SS18: variants seen among roughly 807,000 people sequenced by gnomAD.
SS18 encodes SS18 subunit of BAF chromatin remodeling complex.
SS18 carries 28 observed loss-of-function variants against 72.5 expected under a neutral mutation model. That is an observed-to-expected ratio of 0.39 (90% CI 0.29 to 0.53). The LOEUF is 0.53. Ranked by LOEUF, SS18 falls within the 20% of genes least tolerant of loss-of-function variation. The probability of loss-of-function intolerance (pLI) is 0.76; values close to 1 mark genes in which losing one functional copy is unlikely to be tolerated. For synonymous variants in SS18, 172 were observed against 164.2 expected, an observed-to-expected ratio of 1.05 and a Z score of -0.37; for missense variants, 518 against 535.3, an observed-to-expected ratio of 0.97 and a Z score of 0.32.
intron 10 of SS18, 125 bp downstream of exon 10, chr18:26,032,274 G>T: frequency 1.8e-6 from 2 of 1,108,930 alleles, no homozygotes; most frequent in Non-Finnish European, 2.6e-6. Flanking sequence ...GTTAACAAAT[G>T]TACCATAAAC....
At chr18:26,065,819 A>ATATATATATATATATATATG (rs1190189785) in intron 3 of SS18, among the ~76,000 whole-genome samples, 3 of 137,370 alleles carry the variant, frequency 2.2e-5, no homozygotes, top group Admixed American at 7.4e-5. Context: ...ATATATATAT[A>ATATATATATATATATATATG]TATATGATCA....
At chr18:26,083,256 A>T (rs1185928437) in intron 2 of SS18, among the ~76,000 whole-genome samples, 1 of 148,734 alleles carries the variant, frequency 6.7e-6, no homozygotes, top group Non-Finnish European at 1.5e-5. Context: ...GAGGGAAATG[A>T]TCATATATAT....
chr18:26,023,913 GTT>G (rs2053398853), intron 10 of SS18, among the ~76,000 whole-genome samples: 1 of 149,868 alleles, frequency 6.7e-6, no homozygotes, highest in South Asian at 2.1e-4. Flanking sequence ...ACACTGTGGG[GTT>G]TATAACGTAT....
intron 10 of SS18, among the ~76,000 whole-genome samples, chr18:26,022,698 C>T (rs2053373818): frequency 1.3e-5 from 2 of 152,284 alleles, no homozygotes; most frequent in African/African-American, 2.4e-5. Context: ...GGACAGAGTA[C>T]CCTACAAGAA....
intron 3 of SS18, among the ~76,000 whole-genome samples, chr18:26,065,308 T>C (rs2054192894): frequency 6.6e-6 from 1 of 151,852 alleles, no homozygotes; most frequent in African/African-American, 2.4e-5. Flanking sequence ...TACAAAGATT[T>C]ATCACAAGCT....
At chr18:26,074,093 A>AC (rs2144120572) in intron 3 of SS18, among the ~76,000 whole-genome samples, 1 of 152,256 alleles carries the variant, frequency 6.6e-6, no homozygotes, top group Non-Finnish European at 1.5e-5. Flanking sequence ...GGTGATTTTA[A>AC]CCAATGTAGT....
At chr18:26,019,570 G>C (rs2053308202) in intron 10 of SS18, among the ~76,000 whole-genome samples, 1 of 152,032 alleles carries the variant, frequency 6.6e-6, no homozygotes, top group East Asian at 1.9e-4. Flanking sequence ...CAGCACTTTG[G>C]GAGGCCAAGG....
At chr18:26,080,157 G>C (rs555620944) in intron 2 of SS18, 1 of 162,226 alleles carries the variant, frequency 6.2e-6, no homozygotes. Context: ...TTGTGTTGTT[G>C]AAATTCTTCA....
intron 7 of SS18, among the ~76,000 whole-genome samples, chr18:26,036,671 T>C (rs755600039): frequency 3.3e-4 from 50 of 152,276 alleles, no homozygotes; most frequent in Non-Finnish European, 6.3e-4. Context: ...AATAACCTTT[T>C]AGTTACCTAA....
At chr18:26,077,498 A>C (rs921792432) in intron 3 of SS18, among the ~76,000 whole-genome samples, 1 of 152,148 alleles carries the variant, frequency 6.6e-6, no homozygotes, top group African/African-American at 2.4e-5. Flanking sequence ...ATTAAAAGAG[A>C]CTAAGACACA....
At position 26,078,314 on chromosome 18, in the gene SS18, A is replaced by G. The variant is rs937412896; in HGVS notation, c.147-154T>C. On this transcript the variant is annotated intron_variant, in intron 2 of 10. Transcript: ENST00000415083. ...ATTTTTCCTACACTGCAAAAGTTCC[A>G]AATAATAAATATTTAAATATAATGA... 5.8e-6 allele frequency: 3 copies of G among 518,972 alleles called. No homozygotes were observed. In the African/African-American group the frequency reaches 5.9e-5, roughly 10 times the overall value. The allele number at this position is 518,972 out of a possible 1,614,324, so 32.1% of individuals were successfully genotyped here.
At chr18:26,024,993 A>T (rs987069609) in intron 10 of SS18, among the ~76,000 whole-genome samples, 1 of 152,196 alleles carries the variant, frequency 6.6e-6, no homozygotes, top group African/African-American at 2.4e-5. Context: ...ATCAAAAGAA[A>T]AGTGGTATTG....
chr18:26,028,306 G>C (rs1245323986), intron 10 of SS18, among the ~76,000 whole-genome samples: 1 of 152,126 alleles, frequency 6.6e-6, no homozygotes, highest in East Asian at 1.9e-4. Context: ...ACCAAATATT[G>C]GCAATGAGTT....
Position 26,032,405 on chromosome 18 carries a change from A to G in SS18, c.1224T>C (p.Tyr408=), listed in dbSNP as rs1202262348. 2 of 1,613,750 alleles carry G rather than the reference A, an allele frequency of 1.2e-6. No homozygotes were observed. The highest frequency in any genetic ancestry group is 1.7e-5 in the Admixed American group (1 of 59,998). The change falls in exon 10 of 11, where the codon TAT becomes TAC. Residue 408 remains tyrosine, a synonymous_variant. Transcript: ENST00000415083. The part of the protein sequence containing the change: ...PQPPQQRPYG[Y]DQGQYGNYQQ ...AGCCGGTCAAACTACTTACCTGGTCATATCCATAAGGCCTCTGCTGGGGTG... is the reference window on the plus strand; with the variant it reads ...AGCCGGTCAAACTACTTACCTGGTCGTATCCATAAGGCCTCTGCTGGGGTG...
chr18:26,052,793 T>C lies in SS18; in HGVS notation c.438A>G (p.Thr146=), dbSNP rs2053945601. 6.2e-7 allele frequency: 1 copy of C among 1,614,064 alleles called. No individual in the cohort carries two copies. Among genetic ancestry groups the C allele is most frequent in the African/African-American group, 1.3e-5 (1 of 74,932 alleles). The change falls in exon 5 of 11, where the codon ACA becomes ACG. Residue 146 remains threonine (T), a synonymous_variant. Transcript: ENST00000415083. ...TTGAAGGCATATTCATGGAACTGTTTGTCATATTGAGTTGATTGGGTCCAG... is the reference window on the plus strand; with the variant it reads ...TTGAAGGCATATTCATGGAACTGTTCGTCATATTGAGTTGATTGGGTCCAG... ...QGPGPNQLNM[T]NSSMNMPSSS...
At chr18:26,046,545 TCTC>T (rs1028451119) in intron 5 of SS18, among the ~76,000 whole-genome samples, 6 of 152,228 alleles carry the variant, frequency 3.9e-5, no homozygotes, top group African/African-American at 1.2e-4. Context: ...ATCAATGAGT[TCTC>T]CTTCTTTAAG....
At chr18:26,086,339 C>T (rs1411140674) in intron 2 of SS18, among the ~76,000 whole-genome samples, 1 of 152,074 alleles carries the variant, frequency 6.6e-6, no homozygotes, top group African/African-American at 2.4e-5. Context: ...CCACTACACA[C>T]AGTAAAATAT....
At chr18:26,054,743 C>CA (rs1052396864) in intron 4 of SS18, among the ~76,000 whole-genome samples, 5 of 134,116 alleles carry the variant, frequency 3.7e-5, no homozygotes, top group Admixed American at 7.2e-5. Context: ...ATCTCTCTCT[C>CA]TTTTTTTTTT....
At chr18:26,064,251 T>A (rs1267375958) in intron 3 of SS18, among the ~76,000 whole-genome samples, 1 of 152,074 alleles carries the variant, frequency 6.6e-6, no homozygotes, top group Non-Finnish European at 1.5e-5. Context: ...TCACACCAAT[T>A]TTTTGTTCCA....
Sources: gnomAD v4.1 joint callset for allele counts (sites outside exome capture counted in the v4.1 genomes callset) on GRCh38, gnomAD v4.1.1 for gene constraint, MANE v1.5 for transcripts, NCBI Gene and HGNC (gene_info 2026-07-23, HGNC 2026-07-21) for gene names.